Variants in ARHGAP32 observed in about 807,000 individuals in gnomAD.
ARHGAP32 encodes Rho GTPase activating protein 32, also known as rho GTPase-activating protein 32.
In ARHGAP32, 51 loss-of-function variants were observed where a neutral mutation model predicts 186.5. The ratio of observed to expected loss-of-function variants is 0.27; its 90% confidence interval spans 0.22 to 0.35. The LOEUF is 0.35. ARHGAP32 is among the 10% of genes least tolerant of loss of function. The pLI is 1.00. For synonymous variants in ARHGAP32, 950 were observed against 964.3 expected (o/e 0.99, Z 0.27); for missense variants, 2,186 against 2,623.5 (o/e 0.83, Z 3.64).
chr11:129,103,712 G>C (rs1310689075), intron 5 of ARHGAP32, among the ~76,000 whole-genome samples: 2 of 152,034 alleles, frequency 1.3e-5, no homozygotes, highest in Non-Finnish European at 2.9e-5. Context: ...TCAGAAACAA[G>C]AGAGGGGAGA....
At chr11:129,251,573 T>C (rs1287440514) in intron 1 of ARHGAP32, among the ~76,000 whole-genome samples, 1 of 152,018 alleles carries the variant, frequency 6.6e-6, no homozygotes, top group African/African-American at 2.4e-5. Flanking sequence ...AATATATGAA[T>C]TACATATATT....
intron 1 of ARHGAP32, among the ~76,000 whole-genome samples, chr11:129,243,977 A>C (rs1945053694): frequency 6.6e-6 from 1 of 152,222 alleles, no homozygotes; most frequent in African/African-American, 2.4e-5. Context: ...CTTGTGAACA[A>C]GTACAGAATT....
chr11:129,144,410 C>T (rs899770823), intron 2 of ARHGAP32, among the ~76,000 whole-genome samples: 1 of 152,104 alleles, frequency 6.6e-6, no homozygotes, highest in Non-Finnish European at 1.5e-5. Context: ...CTCCATCAGA[C>T]TTGATAACAG....
Position 128,968,613 on chromosome 11 carries a change from C to T in ARHGAP32, c.*294G>A, listed in dbSNP as rs933389893. On this transcript the variant is annotated 3_prime_UTR_variant, in exon 23 of 23. Coordinates refer to ENST00000682385, the MANE Select transcript of ARHGAP32 (RefSeq NM_001378024.1). ...AAGGCAGTCCTCAGGCTCTTTCAAGCTAGCCCTAGATGGCAAGTGTGTCCT... is the reference window on the plus strand; with the variant it reads ...AAGGCAGTCCTCAGGCTCTTTCAAGTTAGCCCTAGATGGCAAGTGTGTCCT... 4.0e-6 allele frequency: 1 copy of T among 250,162 alleles called. No homozygotes were observed. Among genetic ancestry groups the T allele is most frequent in the Non-Finnish European group, 7.5e-6 (1 of 132,978 alleles). The allele number at this position is 250,162 out of a possible 1,614,324, so 15.5% of individuals were successfully genotyped here.
intron 1 of ARHGAP32, among the ~76,000 whole-genome samples, chr11:129,168,554 T>C (rs1450931877): frequency 6.6e-6 from 1 of 152,090 alleles, no homozygotes; most frequent in Non-Finnish European, 1.5e-5. Flanking sequence ...AAAAAACAGA[T>C]AAATCCACTA....
intron 5 of ARHGAP32, among the ~76,000 whole-genome samples, chr11:129,113,991 C>T (rs1942297272): frequency 6.6e-6 from 1 of 152,092 alleles, no homozygotes; most frequent in South Asian, 2.1e-4. Context: ...TCTTTAGTCT[C>T]TCATGTCTGC....
At chr11:129,075,543 A>G (rs1941009673) in intron 6 of ARHGAP32, among the ~76,000 whole-genome samples, 1 of 152,170 alleles carries the variant, frequency 6.6e-6, no homozygotes, top group African/African-American at 2.4e-5. Flanking sequence ...GTAATTATTT[A>G]ACACCCTCTA....
intron 21 of ARHGAP32, chr11:128,973,801 A>G: frequency 5.9e-6 from 3 of 511,120 alleles, no homozygotes; most frequent in Non-Finnish European, 1.0e-5. Flanking sequence ...TTAACTTGGA[A>G]GGCTACAATA....
upstream of ARHGAP32, among the ~76,000 whole-genome samples, chr11:129,195,796 A>C (rs531764536): frequency 2.2e-4 from 33 of 152,346 alleles, no homozygotes; most frequent in African/African-American, 7.7e-4. Context: ...AGTAAATGAA[A>C]ATCCAGCGGA....
In ARHGAP32 at chr11:128,967,317, A is replaced by T. The variant is rs944759147; in HGVS notation, c.*1590T>A. ...TTTGCTCTAAATAAAAATTAATTTC[A>T]AGTTCTAAAAAGCCAGAGCAGCAAC... is the stretch of plus-strand genomic sequence containing the variant. On this transcript the variant is annotated 3_prime_UTR_variant, in exon 23 of 23. Coordinates refer to ENST00000682385, the MANE Select transcript of ARHGAP32 (RefSeq NM_001378024.1). 6 of 152,254 alleles carry T rather than the reference A, an allele frequency of 3.9e-5. No homozygotes were observed. The highest frequency in any genetic ancestry group is 8.8e-5 in the Non-Finnish European group (6 of 68,048). The allele number at this position is 152,254 out of a possible 1,614,324, so 9.4% of individuals were successfully genotyped here.
intron 6 of ARHGAP32, among the ~76,000 whole-genome samples, chr11:129,077,076 A>C (rs1413053200): frequency 6.6e-6 from 1 of 152,204 alleles, no homozygotes; most frequent in Non-Finnish European, 1.5e-5. Flanking sequence ...TAAAAGTAGA[A>C]GCAGCAGCTG....
At chr11:129,215,583 A>G (rs545021517) in intron 1 of ARHGAP32, among the ~76,000 whole-genome samples, 9 of 152,244 alleles carry the variant, frequency 5.9e-5, no homozygotes, top group African/African-American at 2.2e-4. Context: ...TCTAAAGGCC[A>G]TTTACATTCC....
intron 1 of ARHGAP32, among the ~76,000 whole-genome samples, chr11:129,180,975 C>T (rs1324531996): frequency 6.6e-6 from 1 of 152,056 alleles, no homozygotes; most frequent in African/African-American, 2.4e-5. Flanking sequence ...AAAAATTACA[C>T]TTGACAATGT....
intron 6 of ARHGAP32, among the ~76,000 whole-genome samples, chr11:129,070,174 A>C (rs1479384202): frequency 2.0e-5 from 3 of 151,996 alleles, no homozygotes; most frequent in Non-Finnish European, 1.5e-5. Flanking sequence ...TAACTATTCC[A>C]CAGTTTCCTC....
In ARHGAP32 at chr11:129,030,761, C is replaced by A. The variant is rs542934344; in HGVS notation, c.1045+10167G>T. Among the ~76,000 whole-genome samples the A allele has an allele frequency of 9.9e-5, 15 of 152,268 alleles. No homozygotes were observed. In the East Asian group the frequency reaches 2.7e-3, roughly 27 times the overall value. ...ACTGTGATATAGTTTAGATATTTGT[C>A]CCCACTCAAATCTCATGTTCAATTG... is the stretch of plus-strand genomic sequence containing the variant. On this transcript the variant is annotated intron_variant, in intron 11 of 22. Transcript: ENST00000682385.
At chr11:129,051,352 G>T (rs970551342) in intron 10 of ARHGAP32, among the ~76,000 whole-genome samples, 9 of 152,120 alleles carry the variant, frequency 5.9e-5, no homozygotes, top group Non-Finnish European at 8.8e-5. Context: ...GTGTGGGATG[G>T]TATCTCACTG....
intron 1 of ARHGAP32, among the ~76,000 whole-genome samples, chr11:129,271,361 G>T (rs1405947472): frequency 6.6e-6 from 1 of 151,690 alleles, no homozygotes; most frequent in Admixed American, 6.6e-5. Flanking sequence ...GAGATGAGGA[G>T]GAAAAAAAGA....
chr11:128,993,318 A>G (rs1454217464), intron 12 of ARHGAP32: 3 of 152,170 alleles, frequency 2.0e-5, no homozygotes, highest in Admixed American at 6.5e-5. Context: ...AAATTTTAGT[A>G]TATGTGCTGT....
rs147750728 is a variant in ARHGAP32 at position 129,270,878 on chromosome 11, T to C, written c.-5+8268A>G. ...CCACATAATTTTTTGCTGCTGGGAG[T>C]TGTCCTGTGCATTACTGGATGTTGG... is the stretch of plus-strand genomic sequence containing the variant. On this transcript the variant is annotated intron_variant, in intron 1 of 6. Coordinates refer to the ARHGAP32 transcript ENST00000525234. 2.9e-3 allele frequency among the ~76,000 whole-genome samples: 443 copies of C among 151,774 alleles called. 6 individuals are homozygous for C. Among genetic ancestry groups the C allele is most frequent in the African/African-American group, 0.01 (426 of 41,372 alleles).
Sources: allele counts gnomAD v4.1 joint callset (sites outside exome capture counted in the v4.1 genomes callset), GRCh38; gene constraint gnomAD v4.1.1; transcripts MANE v1.5; gene names NCBI Gene and HGNC (gene_info 2026-07-23, HGNC 2026-07-21).